The following DAGLA variants were observed in gnomAD, a reference collection of about 807,000 sequenced individuals.
The protein encoded by DAGLA is diacylglycerol lipase-alpha.
A neutral mutation model predicts 102.6 loss-of-function variants in DAGLA; 22 were observed. The observed-to-expected ratio is 0.21, with a 90% CI of 0.15 to 0.31. The LOEUF is 0.31. Among genes scored for constraint, DAGLA ranks in the 10% least tolerant of loss-of-function variants. The probability of loss-of-function intolerance (pLI) is 1.00; values close to 1 mark genes in which losing one functional copy is unlikely to be tolerated. For missense variants in DAGLA, 927 were observed against 1,446.6 expected, an observed-to-expected ratio of 0.64 and a Z score of 5.83; for synonymous variants, 578 against 628.9, an observed-to-expected ratio of 0.92 and a Z score of 1.21.
At chr11:61,696,418 C>G (rs1472390430) in intron 1 of DAGLA, among the ~76,000 whole-genome samples, 1 of 152,208 alleles carries the variant, frequency 6.6e-6, no homozygotes, top group Non-Finnish European at 1.5e-5. Flanking sequence ...GACACCACCC[C>G]CACTTCCCAG....
At chr11:61,738,251 G>A (rs774525780) in intron 16 of DAGLA, 44 bp downstream of exon 16, 6 of 1,528,556 alleles carry the variant, frequency 3.9e-6, no homozygotes, top group East Asian at 2.3e-5. Context: ...AGCCTCATCT[G>A]TCCCTGCCCT....
At chr11:61,735,962 C>A in intron 12 of DAGLA, 146 bp downstream of exon 12, 1 of 807,998 alleles carries the variant, frequency 1.2e-6, no homozygotes, top group Non-Finnish European at 1.9e-6. Flanking sequence ...TCTGGAAGGC[C>A]CGTTGCGGCC....
chr11:61,703,111 T>C (rs2065121396), intron 1 of DAGLA, among the ~76,000 whole-genome samples: 1 of 152,174 alleles, frequency 6.6e-6, no homozygotes, highest in Non-Finnish European at 1.5e-5. Context: ...GTTTCTGTCC[T>C]TCTCAGGCCG....
At chr11:61,694,325 A>G (rs2065047113) in intron 1 of DAGLA, among the ~76,000 whole-genome samples, 1 of 152,144 alleles carries the variant, frequency 6.6e-6, no homozygotes, top group Non-Finnish European at 1.5e-5. Context: ...CCAGCTACCC[A>G]GTGAGTTTGC....
intron 1 of DAGLA, among the ~76,000 whole-genome samples, chr11:61,703,828 G>A (rs916472830): frequency 3.9e-5 from 6 of 152,222 alleles, no homozygotes; most frequent in African/African-American, 1.4e-4. Context: ...CATAACAAAT[G>A]TATTTAATCA....
chr11:61,744,289 G>C lies in DAGLA; in HGVS notation c.2929G>C (p.Ala977Pro). ...GGTGCCCAAGCCCCCACGGCTCTTT[G>C]CCGGCTCAGCCGACCCCTCCTCGGG... Reference protein sequence around the residue: ...NLVPKPPRLFAGSADPSSGIS... With the variant: ...NLVPKPPRLFPGSADPSSGIS... The change falls in exon 20 of 20, where the codon GCC becomes CCC. Residue 977 changes from alanine (A) to proline (P), a missense_variant. This residue lies in a region of DAGLA where 434 missense variants were observed against 503.3 expected (regional missense o/e 0.86). Coordinates refer to ENST00000257215, the MANE Select transcript of DAGLA (RefSeq NM_006133.3). The C allele has an allele frequency of 6.2e-7, 1 of 1,612,720 alleles. No individual in the cohort carries two copies.
intron 1 of DAGLA, among the ~76,000 whole-genome samples, chr11:61,682,325 G>A (rs980511287): frequency 2.0e-5 from 3 of 152,178 alleles, no homozygotes; most frequent in Non-Finnish European, 4.4e-5. Context: ...CTGGAGGCAG[G>A]AGCCATAGGA....
chr11:61,687,146 C>A (rs1390694823), intron 1 of DAGLA, among the ~76,000 whole-genome samples: 1 of 152,228 alleles, frequency 6.6e-6, no homozygotes, highest in Non-Finnish European at 1.5e-5. Flanking sequence ...ATCCCTCCAA[C>A]CTCCATCTTA....
Position 61,686,398 on chromosome 11 carries a change from G to T in DAGLA, c.-45+5894G>T, listed in dbSNP as rs975951737. Among the ~76,000 whole-genome samples the T allele has an allele frequency of 6.6e-6, 1 of 152,204 alleles. No homozygotes were observed. Among genetic ancestry groups the T allele is most frequent in the Non-Finnish European group, 1.5e-5 (1 of 68,028 alleles). On this transcript the variant is annotated intron_variant, in intron 1 of 19. Coordinates refer to ENST00000257215, the MANE Select transcript of DAGLA (RefSeq NM_006133.3). This position sits in a 1 kb window ranked among gnomAD's most constrained non-coding sequence, Gnocchi z 5.2. ...CCATCCCTGAGGACCCACTGAGGGG[G>T]TTCCAGTGTTCACAGCACTTATTTC... is the stretch of plus-strand genomic sequence containing the variant.
Position 61,740,446 on chromosome 11 carries a change from G to C in DAGLA, c.1854-17G>C. 6.2e-7 allele frequency: 1 copy of C among 1,612,548 alleles called. No homozygotes were observed. The highest frequency in any genetic ancestry group is 8.5e-7 in the Non-Finnish European group (1 of 1,179,484). ...ACCACCCCACCCTTAACTCCCCTCT[G>C]TCCATGTCCCTCTCAGCTGCTGTGA... On this transcript the variant is annotated splice_polypyrimidine_tract_variant and intron_variant, in intron 17 of 19. Coordinates refer to ENST00000257215, the MANE Select transcript of DAGLA (RefSeq NM_006133.3).
chr11:61,699,962 C>G (rs549097545), intron 1 of DAGLA, among the ~76,000 whole-genome samples: 11 of 152,370 alleles, frequency 7.2e-5, no homozygotes, highest in Admixed American at 7.2e-4. Context: ...GGCCGGCTGC[C>G]TCTGGGCACT....
intron 1 of DAGLA, among the ~76,000 whole-genome samples, chr11:61,682,255 T>C (rs575782328): frequency 6.6e-6 from 1 of 152,262 alleles, no homozygotes; most frequent in East Asian, 1.9e-4. Flanking sequence ...TGGAAACACT[T>C]TGCAAACAGC....
chr11:61,726,328 C>G (rs1565258955), intron 6 of DAGLA, among the ~76,000 whole-genome samples: 1 of 116,076 alleles, frequency 8.6e-6, no homozygotes, highest in African/African-American at 3.3e-5. Flanking sequence ...CATCAACTCC[C>G]TTGGAACTTA....
chr11:61,738,468 C>T (rs532380765), intron 16 of DAGLA, among the ~76,000 whole-genome samples: 10 of 152,298 alleles, frequency 6.6e-5, no homozygotes, highest in Non-Finnish European at 8.8e-5. Context: ...AAAGTTAGAA[C>T]AGAATCAGGA....
chr11:61,723,022 GT>G, intron 4 of DAGLA, 62 bp downstream of exon 4: 1 of 1,316,778 alleles, frequency 7.6e-7, no homozygotes, highest in Non-Finnish European at 1.1e-6. Flanking sequence ...GACGAGATCA[GT>G]TTAGAGAGGA....
At position 61,734,105 on chromosome 11, in the gene DAGLA, G is replaced by A. The variant is rs188423942; in HGVS notation, c.975-744G>A. On this transcript the variant is annotated intron_variant, in intron 9 of 19. Transcript: ENST00000257215. This position sits in a 1 kb window ranked among gnomAD's most constrained non-coding sequence, Gnocchi z 4.2. ...GCCACTCTGTTGCTGAGCTGAGAGC[G>A]TAGGGGCAAGTGCAAGGAGGCCAGT... Among the ~76,000 whole-genome samples, 469 of 152,248 alleles carry A rather than the reference G, an allele frequency of 3.1e-3. 2 individuals carry two copies. The highest frequency in any genetic ancestry group is 6.2e-3 in the South Asian group (30 of 4,830).
At position 61,687,460 on chromosome 11, in the gene DAGLA, T is replaced by C. The variant is rs547548210; in HGVS notation, c.-45+6956T>C. On this transcript the variant is annotated intron_variant, in intron 1 of 19. Transcript: ENST00000257215. ...GATTCTCATGCCTCAGCCTCCCTAG[T>C]AGCTAGGATTACAGGCACGTGCCAC... Among the ~76,000 whole-genome samples the C allele has an allele frequency of 2.0e-5, 3 of 152,256 alleles. No individual in the cohort carries two copies. The South Asian group carries it at 6.2e-4, about 32-fold the overall frequency.
chr11:61,734,503 G>A lies in DAGLA; in HGVS notation c.975-346G>A, dbSNP rs529481173. ...GTCTAAAACACAAGACTGCATGAGT[G>A]CATGGAGGAGCCAGTGCCCCCAGAG... On this transcript the variant is annotated intron_variant, in intron 9 of 19. Transcript: ENST00000257215. The surrounding 1 kb of genome is among the most constrained non-coding windows in gnomAD (Gnocchi z 4.2). 1.3e-5 allele frequency among the ~76,000 whole-genome samples: 2 copies of A among 152,232 alleles called. No homozygotes were observed. The highest frequency in any genetic ancestry group is 2.4e-5 in the African/African-American group (1 of 41,532).
In DAGLA at chr11:61,744,489, G is replaced by T; in HGVS notation, c.3129G>T (p.Ter1043TyrextTer29). Residue 1043 changes from the stop codon to tyrosine (Y), a stop_lost, in exon 20 of 20, where the codon TAG becomes TAT. Transcript: ENST00000257215. The stretch of plus-strand genomic sequence containing the variant: ...ATGAGCTGGTCATCTCAGCACGCTA[G>T]CACCCCAGTTGCGTGGCCAGCCGGG... Reference protein sequence around the residue: ...KQDELVISAR* With the variant: ...KQDELVISARY 6.4e-7 allele frequency: 1 copy of T among 1,552,922 alleles called. No homozygotes were observed. Among genetic ancestry groups the T allele is most frequent in the Non-Finnish European group, 8.7e-7 (1 of 1,146,634 alleles).
Sources: allele counts gnomAD v4.1 joint callset (sites outside exome capture counted in the v4.1 genomes callset), GRCh38; gene constraint gnomAD v4.1.1; regional missense constraint gnomAD v4.1.1; non-coding constraint Gnocchi (gnomAD v3.1); transcripts MANE v1.5; gene names NCBI Gene and HGNC (gene_info 2026-07-23, HGNC 2026-07-21).